Variants in NRXN1 observed in about 807,000 individuals in gnomAD.
The protein encoded by NRXN1 is neurexin 1.
A neutral mutation model predicts 150.9 loss-of-function variants in NRXN1; 39 were observed. That is an observed-to-expected ratio of 0.26 (90% CI 0.20 to 0.34). The LOEUF is 0.34. Among genes scored for constraint, NRXN1 ranks in the 10% least tolerant of loss-of-function variants. The pLI, the probability that NRXN1 is intolerant of heterozygous loss-of-function variation, is 1.00. For synonymous variants in NRXN1, 924 were observed against 757.0 expected, an observed-to-expected ratio of 1.22 and a Z score of -3.62; for missense variants, 1,815 against 1,949.9, an observed-to-expected ratio of 0.93 and a Z score of 1.30.
intron 8 of NRXN1, among the ~76,000 whole-genome samples, chr2:50,613,161 C>A (rs1300915394): frequency 6.6e-6 from 1 of 152,262 alleles, no homozygotes; most frequent in Non-Finnish European, 1.5e-5. Context: ...AAAAAAATTT[C>A]TTTCTATACC....
Position 49,919,649 on chromosome 2 carries a change from G to C in NRXN1, c.*2295C>G, listed in dbSNP as rs528885466. Reference sequence around the variant, plus strand: ...TTCCCTGAGTAAGACTGAATGAGACGGGGGAAAAGAAAAGACTCGTGAATT... The same window carrying C: ...TTCCCTGAGTAAGACTGAATGAGACCGGGGAAAAGAAAAGACTCGTGAATT... On this transcript the variant is annotated 3_prime_UTR_variant, in exon 23 of 23. Transcript: ENST00000401669. 1.3e-5 allele frequency: 2 copies of C among 151,404 alleles called. No homozygotes were observed. Among genetic ancestry groups the C allele is most frequent in the Admixed American group, 1.3e-4 (2 of 15,212 alleles). 9.4% of individuals were successfully genotyped at this position (151,404 alleles called of 1,614,324 possible).
intron 2 of NRXN1, among the ~76,000 whole-genome samples, chr2:50,973,212 G>A (rs147520526): frequency 1.3e-5 from 2 of 152,252 alleles, no homozygotes; most frequent in East Asian, 1.9e-4. Flanking sequence ...AGTGGCCAGG[G>A]ATGCAATCAT....
In NRXN1 at chr2:50,003,782, G is replaced by A. The variant is rs138097394; in HGVS notation, c.4128+49489C>T. On this transcript the variant is annotated intron_variant, in intron 21 of 22. Transcript: ENST00000401669. The stretch of plus-strand genomic sequence containing the variant: ...ATAGATAATATTTCCAACATTTCAT[G>A]AGGAGCTATGGGGAAGAAATGATGA... 4.0e-3 allele frequency among the ~76,000 whole-genome samples: 612 copies of A among 152,196 alleles called. 6 individuals are homozygous for A. Among genetic ancestry groups the A allele is most frequent in the African/African-American group, 0.014 (593 of 41,530 alleles).
chr2:50,958,356 C>T lies in NRXN1; in HGVS notation c.773-32401G>A, dbSNP rs562523544. ...GACACTGGCTTTTGTAAAATAGGAT[C>T]TCAAAGCCTTCATTTCAGCTCTCAA... On this transcript the variant is annotated intron_variant, in intron 2 of 22. Coordinates refer to ENST00000401669, the MANE Select transcript of NRXN1 (RefSeq NM_001330078.2). 3.4e-4 allele frequency among the ~76,000 whole-genome samples: 51 copies of T among 152,204 alleles called. 3 individuals carry two copies. The South Asian group carries it at 0.01, about 30-fold the overall frequency.
At chr2:50,098,879 T>TACA (rs1700638856) in intron 18 of NRXN1, among the ~76,000 whole-genome samples, 1 of 107,302 alleles carries the variant, frequency 9.3e-6, no homozygotes, top group Admixed American at 9.9e-5. Context: ...TTTTTTTTTT[T>TACA]TTTGGCTAGT....
chr2:50,942,602 T>G (rs1023966345), intron 2 of NRXN1, among the ~76,000 whole-genome samples: 10 of 152,204 alleles, frequency 6.6e-5, no homozygotes, highest in African/African-American at 2.2e-4. Context: ...TAAGATTTAA[T>G]AACTGCCCTG....
intron 8 of NRXN1, among the ~76,000 whole-genome samples, chr2:50,592,791 T>TTA: frequency 6.6e-6 from 1 of 152,278 alleles, no homozygotes; most frequent in Non-Finnish European, 1.5e-5. Flanking sequence ...TGTGTATAGT[T>TTA]TGAGTATGTG....
intron 2 of NRXN1, among the ~76,000 whole-genome samples, chr2:50,991,973 G>A (rs906141329): frequency 8.6e-5 from 13 of 151,916 alleles, no homozygotes; most frequent in African/African-American, 3.1e-4. Context: ...AGAAAGGTCT[G>A]GATCAACAGT....
chr2:50,109,158 T>C (rs1490960518), intron 18 of NRXN1, among the ~76,000 whole-genome samples: 1 of 152,178 alleles, frequency 6.6e-6, no homozygotes, highest in Non-Finnish European at 1.5e-5. Flanking sequence ...ATTTTCTTTG[T>C]GTTAGAAAAT....
intron 5 of NRXN1, among the ~76,000 whole-genome samples, chr2:50,823,157 C>A (rs1012609031): frequency 6.6e-6 from 1 of 152,142 alleles, no homozygotes; most frequent in Non-Finnish European, 1.5e-5. Flanking sequence ...GGCAATACTT[C>A]AAAAGATAGG....
intron 17 of NRXN1, among the ~76,000 whole-genome samples, chr2:50,386,605 TG>T (rs919828533): frequency 3.9e-5 from 6 of 152,246 alleles, no homozygotes; most frequent in African/African-American, 1.4e-4. Context: ...AAGCAAATTG[TG>T]GGGGCAAATT....
At position 50,910,944 on chromosome 2, in the gene NRXN1, C is replaced by T. The variant is rs999594505; in HGVS notation, c.832+10925G>A. On this transcript the variant is annotated intron_variant, in intron 5 of 22. Coordinates refer to ENST00000401669, the MANE Select transcript of NRXN1 (RefSeq NM_001330078.2). ...GGGCTAACTCAAGGGCTGGACAATGCCATCTGACAAGTTCCACTGACATTA... is the reference window on the plus strand; with the variant it reads ...GGGCTAACTCAAGGGCTGGACAATGTCATCTGACAAGTTCCACTGACATTA... Among the ~76,000 whole-genome samples the T allele has an allele frequency of 3.3e-5, 5 of 151,722 alleles. No homozygotes were observed. The South Asian group carries it at 1.0e-3, about 32-fold the overall frequency.
chr2:50,237,111 G>T, intron 17 of NRXN1, 141 bp from the exon 18 acceptor site: 1 of 893,268 alleles, frequency 1.1e-6, no homozygotes, highest in South Asian at 1.4e-5. Flanking sequence ...TCAATCAAAT[G>T]TGCTCAAGAA....
At chr2:50,656,576 A>G (rs530212160) in intron 5 of NRXN1, among the ~76,000 whole-genome samples, 1 of 152,082 alleles carries the variant, frequency 6.6e-6, no homozygotes, top group African/African-American at 2.4e-5. Context: ...AAATGTATTC[A>G]GTAGTCTAAC....
At chr2:50,755,491 T>C (rs1454300210) in intron 5 of NRXN1, among the ~76,000 whole-genome samples, 1 of 151,808 alleles carries the variant, frequency 6.6e-6, no homozygotes, top group African/African-American at 2.4e-5. Flanking sequence ...TCTCTTCAGA[T>C]AGTAAAACTC....
chr2:50,260,364 G>C (rs1459277573), intron 17 of NRXN1, among the ~76,000 whole-genome samples: 1 of 151,860 alleles, frequency 6.6e-6, no homozygotes. Flanking sequence ...TGTGAAAACA[G>C]TATAAATGGT....
At chr2:51,016,344 T>C (rs1668660678) in intron 2 of NRXN1, among the ~76,000 whole-genome samples, 1 of 152,134 alleles carries the variant, frequency 6.6e-6, no homozygotes, top group South Asian at 2.1e-4. Context: ...GAGAAAATTT[T>C]TGAAATCTAT....
At chr2:50,567,930 A>C (rs1256441552) in intron 8 of NRXN1, among the ~76,000 whole-genome samples, 1 of 152,146 alleles carries the variant, frequency 6.6e-6, no homozygotes, top group African/African-American at 2.4e-5. Context: ...CAGAATTCCC[A>C]ATGTAATATT....
intron 8 of NRXN1, among the ~76,000 whole-genome samples, chr2:50,603,069 C>A (rs1025664211): frequency 6.6e-6 from 1 of 152,312 alleles, no homozygotes; most frequent in Admixed American, 6.5e-5. Context: ...TCACAAGCAC[C>A]ATACCTCTCA....
Sources: gnomAD v4.1 joint callset for allele counts (sites outside exome capture counted in the v4.1 genomes callset) on GRCh38, gnomAD v4.1.1 for gene constraint, MANE v1.5 for transcripts, NCBI Gene and HGNC (gene_info 2026-07-23, HGNC 2026-07-21) for gene names.